Variants in SAMD4A observed in about 807,000 individuals in gnomAD.
SAMD4A encodes protein Smaug homolog 1.
Under a neutral mutation model 81.3 loss-of-function variants are expected in SAMD4A, and 33 were observed. The observed-to-expected ratio is 0.41, with a 90% CI of 0.31 to 0.54. SAMD4A has a LOEUF of 0.54. Ranked by LOEUF, SAMD4A falls within the 20% of genes least tolerant of loss-of-function variation. The pLI, the probability that SAMD4A is intolerant of heterozygous loss-of-function variation, is 0.37. For missense variants in SAMD4A, 854 were observed against 951.1 expected (o/e 0.90, Z 1.34); for synonymous variants, 389 against 382.1 (o/e 1.02, Z -0.21).
chr14:54,712,748 T>C (rs144388783), intron 3 of SAMD4A, among the ~76,000 whole-genome samples: 1 of 152,340 alleles, frequency 6.6e-6, no homozygotes, highest in Non-Finnish European at 1.5e-5. Context: ...CTCCATGGGC[T>C]GCATGCACCT....
chr14:54,703,469 A>G (rs1486896359), intron 3 of SAMD4A: 1 of 152,170 alleles, frequency 6.6e-6, no homozygotes, highest in African/African-American at 2.4e-5. Flanking sequence ...CTGTCCATGA[A>G]TGCAGTGGCA....
intron 3 of SAMD4A, among the ~76,000 whole-genome samples, chr14:54,726,709 G>A (rs961397654): frequency 2.0e-5 from 3 of 152,088 alleles, no homozygotes; most frequent in African/African-American, 7.2e-5. Flanking sequence ...CAAATGCTCT[G>A]ACCCTGCTGC....
At chr14:54,582,628 G>A (rs1336212113) in intron 2 of SAMD4A, among the ~76,000 whole-genome samples, 1 of 152,088 alleles carries the variant, frequency 6.6e-6, no homozygotes, top group Non-Finnish European at 1.5e-5. Flanking sequence ...GTTCTGGATT[G>A]GATCCTGGAT....
Position 54,702,245 on chromosome 14 carries a change from C to T in SAMD4A, c.380C>T (p.Ser127Phe). ...ATTGAGGAGAGCAGGCAGCTGCTGT[C>T]CTATGCTTTGATACATCCAGCCACT... ...QHIEESRQLLSYALIHPATSL... is the reference protein window; with the variant it reads ...QHIEESRQLLFYALIHPATSL... Residue 127 changes from serine (S) to phenylalanine (F), a missense_variant, in exon 3 of 13, where the codon TCC (serine) becomes TTC (phenylalanine). By Grantham distance (155) the Ser-to-Phe change is radical. Transcript: ENST00000554335. 1 of 1,614,190 alleles carries T rather than the reference C, an allele frequency of 6.2e-7. No individual in the cohort carries two copies. The highest frequency in any genetic ancestry group is 8.5e-7 in the Non-Finnish European group (1 of 1,180,028).
chr14:54,769,187 A>G (rs1342514817), intron 8 of SAMD4A, among the ~76,000 whole-genome samples: 1 of 152,114 alleles, frequency 6.6e-6, no homozygotes, highest in Non-Finnish European at 1.5e-5. Context: ...TTCATGCTCT[A>G]CCTGCAGCAG....
chr14:54,606,252 A>G (rs1418573396), intron 2 of SAMD4A, among the ~76,000 whole-genome samples: 1 of 150,436 alleles, frequency 6.6e-6, no homozygotes, highest in East Asian at 2.0e-4. Context: ...CATTTCTGCA[A>G]TGCTACTTCC....
At chr14:54,621,646 G>A (rs1196648680) in intron 2 of SAMD4A, among the ~76,000 whole-genome samples, 1 of 151,622 alleles carries the variant, frequency 6.6e-6, no homozygotes, top group Non-Finnish European at 1.5e-5. Flanking sequence ...ATAGCCGTGA[G>A]CCACTGTGCC....
intron 3 of SAMD4A, among the ~76,000 whole-genome samples, chr14:54,710,993 T>A (rs752387634): frequency 2.6e-5 from 4 of 152,220 alleles, no homozygotes; most frequent in Non-Finnish European, 4.4e-5. Context: ...ATGTGGCCTC[T>A]GAATCATCCT....
intron 3 of SAMD4A, among the ~76,000 whole-genome samples, chr14:54,715,846 C>T (rs868005251): frequency 4.6e-5 from 7 of 152,188 alleles, no homozygotes; most frequent in Middle Eastern, 3.4e-3. Context: ...GTTCCTTAGT[C>T]TCTGCCATAT....
Position 54,764,520 on chromosome 14 carries a change from G to C in SAMD4A, c.1576G>C (p.Asp526His). 2 of 1,611,724 alleles carry C rather than the reference G, an allele frequency of 1.2e-6. No homozygotes were observed. Among genetic ancestry groups the C allele is most frequent in the Non-Finnish European group, 1.7e-6 (2 of 1,178,356 alleles). Residue 526 changes from aspartate (D) to histidine (H), a missense_variant, in exon 8 of 13, where the codon GAC becomes CAC. Transcript: ENST00000554335. ...TATAAGTTCCTATTTACAGCTCATA[G>C]ACAAGTGTCTAATTCATGAGGTGAG... The part of the protein sequence containing the change: ...ENISSYLQLI[D>H]KCLIHEAFTE...
Position 54,702,380 on chromosome 14 carries a change from G to C in SAMD4A, c.515G>C (p.Gly172Ala). The C allele has an allele frequency of 1.2e-6, 2 of 1,614,148 alleles. No homozygotes were observed. Among genetic ancestry groups the C allele is most frequent in the Non-Finnish European group, 1.7e-6 (2 of 1,180,006 alleles). Residue 172 changes from glycine to alanine, a missense_variant, in exon 3 of 13, where the codon GGA becomes GCA. Gly to Ala is a moderately conservative substitution (Grantham distance 60). This residue lies in a region of SAMD4A where 387 missense variants were observed against 405.8 expected (regional missense o/e 0.95). Coordinates refer to ENST00000554335, the MANE Select transcript of SAMD4A (RefSeq NM_015589.6). Reference sequence around the variant, plus strand: ...GGCCGCTCAGACTCTGTGGATTATGGACAGACACACTACTATCACCAAAGA... The same window carrying C: ...GGCCGCTCAGACTCTGTGGATTATGCACAGACACACTACTATCACCAAAGA... ...NRGRSDSVDY[G>A]QTHYYHQRQN... is the part of the protein sequence containing the mutation.
chr14:54,601,388 A>G (rs915265814), intron 2 of SAMD4A, among the ~76,000 whole-genome samples: 1 of 152,196 alleles, frequency 6.6e-6, no homozygotes, highest in Admixed American at 6.5e-5. Context: ...CAGATTATAA[A>G]TAAAATGGTA....
intron 2 of SAMD4A, among the ~76,000 whole-genome samples, chr14:54,683,353 G>A (rs1193350713): frequency 6.6e-6 from 1 of 152,214 alleles, no homozygotes; most frequent in African/African-American, 2.4e-5. Flanking sequence ...GCCCAAGGCA[G>A]TCACATAGGA....
intron 2 of SAMD4A, among the ~76,000 whole-genome samples, chr14:54,605,839 A>G (rs543645319): frequency 2.8e-3 from 423 of 152,122 alleles, no homozygotes; most frequent in Admixed American, 6.9e-3. Context: ...ATATATATGT[A>G]TGACTTAAAA....
intron 2 of SAMD4A, among the ~76,000 whole-genome samples, chr14:54,650,047 C>T (rs755976173): frequency 1.3e-5 from 2 of 152,140 alleles, no homozygotes; most frequent in African/African-American, 4.8e-5. Context: ...TTTGAAGAAC[C>T]GTAAGGGAAT....
intron 3 of SAMD4A, among the ~76,000 whole-genome samples, chr14:54,717,884 G>GTTTTT (rs59380334): frequency 7.6e-6 from 1 of 131,236 alleles, no homozygotes; most frequent in African/African-American, 2.8e-5. Flanking sequence ...TTGCTTGAAG[G>GTTTTT]TTTTTTTTTT....
intron 6 of SAMD4A, among the ~76,000 whole-genome samples, chr14:54,757,067 GAATT>G (rs895674996): frequency 3.6e-4 from 55 of 152,314 alleles, no homozygotes; most frequent in African/African-American, 1.2e-3. Flanking sequence ...TCAACAAGGA[GAATT>G]AATTCTTACA....
intron 2 of SAMD4A, among the ~76,000 whole-genome samples, chr14:54,679,169 A>G (rs2036071333): frequency 6.6e-6 from 1 of 152,226 alleles, no homozygotes; most frequent in African/African-American, 2.4e-5. Flanking sequence ...GCAGGAGGTC[A>G]AATATTTAAA....
At position 54,783,611 on chromosome 14, in the gene SAMD4A, T is replaced by C. The variant is rs537619601; in HGVS notation, c.2045-926T>C. On this transcript the variant is annotated intron_variant, in intron 11 of 12. Coordinates refer to ENST00000554335, the MANE Select transcript of SAMD4A (RefSeq NM_015589.6). Reference sequence around the variant, plus strand: ...GATTCTAGAGGCCCTCGAGGCTGAGTGTGTTGACAGTTACCTGCAGTTGCT... The same window carrying C: ...GATTCTAGAGGCCCTCGAGGCTGAGCGTGTTGACAGTTACCTGCAGTTGCT... 2.1e-3 allele frequency among the ~76,000 whole-genome samples: 315 copies of C among 152,094 alleles called. 1 individual carries two copies. Among genetic ancestry groups the C allele is most frequent in the African/African-American group, 6.5e-3 (270 of 41,496 alleles).
Sources: gnomAD v4.1 joint callset for allele counts (sites outside exome capture counted in the v4.1 genomes callset) on GRCh38, gnomAD v4.1.1 for gene constraint, gnomAD v4.1.1 regional missense constraint, MANE v1.5 for transcripts, NCBI Gene and HGNC (gene_info 2026-07-23, HGNC 2026-07-21) for gene names.